Variants in CCNL2 observed in about 807,000 individuals in gnomAD.
CCNL2 encodes the protein cyclin-L2.
CCNL2 carries 28 observed loss-of-function variants against 59.1 expected under a neutral mutation model. The observed-to-expected ratio is 0.47, with a 90% confidence interval of 0.35 to 0.65. The LOEUF (loss-of-function observed/expected upper bound fraction) is 0.65, where lower values mean the gene tolerates loss of function less well. Ranked by LOEUF, CCNL2 falls within the 30% of genes least tolerant of loss-of-function variation. The pLI is 0.00. For missense variants in CCNL2, 714 were observed against 717.4 expected (o/e 1.00, Z 0.05); for synonymous variants, 342 against 288.6 (o/e 1.19, Z -1.88).
chr1:1,397,464 G>A lies in CCNL2; in HGVS notation c.473+769C>T, dbSNP rs111444697. On this transcript the variant is annotated intron_variant, in intron 3 of 10. Coordinates refer to ENST00000400809, the MANE Select transcript of CCNL2 (RefSeq NM_030937.6). Reference sequence around the variant, plus strand: ...GTGAGCTCCCACATCTGGTATGAGAGAATTTCTGGCTGTCACATCTAAGGT... The same window carrying A: ...GTGAGCTCCCACATCTGGTATGAGAAAATTTCTGGCTGTCACATCTAAGGT... 8.6e-3 allele frequency among the ~76,000 whole-genome samples: 1,303 copies of A among 152,242 alleles called. 21 individuals are homozygous for A. The highest frequency in any genetic ancestry group is 0.029 in the African/African-American group (1,198 of 41,522).
At position 1,390,247 on chromosome 1, in the gene CCNL2, G is replaced by A. The variant is rs1644690357; in HGVS notation, c.989C>T (p.Ser330Phe). ...AGACTCACCCAGCTTGGGGGCAGGAGAGAACCCCGAGGTACCATCCAGCAC... is the reference window on the plus strand; with the variant it reads ...AGACTCACCCAGCTTGGGGGCAGGAAAGAACCCCGAGGTACCATCCAGCAC... ...TQVLDGTSGF[S>F]PAPKLVESPK... The change falls in exon 8 of 11, where the codon TCT becomes TTT. Residue 330 changes from serine to phenylalanine, a missense_variant. Coordinates refer to ENST00000400809, the MANE Select transcript of CCNL2 (RefSeq NM_030937.6). 1 of 1,610,194 alleles carries A rather than the reference G, an allele frequency of 6.2e-7. No individual in the cohort carries two copies. The highest frequency in any genetic ancestry group is 1.3e-5 in the African/African-American group (1 of 74,862).
chr1:1,398,582 A>G lies in CCNL2; in HGVS notation c.363+15T>C, dbSNP rs746189549. ...ACATACTTCGCTGGGAATGAAGTGC[A>G]GGAGGAAGCCTTACCTCCATGGAGT... On this transcript the variant is annotated intron_variant, in intron 2 of 10. Coordinates refer to ENST00000400809, the MANE Select transcript of CCNL2 (RefSeq NM_030937.6). 1 of 1,610,664 alleles carries G rather than the reference A, an allele frequency of 6.2e-7. No individual in the cohort carries two copies. The highest frequency in any genetic ancestry group is 1.1e-5 in the South Asian group (1 of 91,028).
rs780670206 is a variant in CCNL2 at position 1,399,297 on chromosome 1, C to T, written c.10G>A (p.Ala4Thr). 7 of 1,452,160 alleles carry T rather than the reference C, an allele frequency of 4.8e-6. No individual in the cohort carries two copies. The South Asian group carries it at 7.2e-5, about 15-fold the overall frequency. The allele number at this position is 1,452,160 out of a possible 1,614,324, so 90.0% of individuals were successfully genotyped here. Residue 4 changes from alanine to threonine, a missense_variant, in exon 1 of 11, where the codon GCG becomes ACG. Ala to Thr is a moderately conservative substitution (Grantham distance 58). Around this residue, in one of 5 missense-constraint regions of CCNL2, gnomAD observed 270 missense variants for 254.9 expected, o/e 1.06. Transcript: ENST00000400809. ...CCTGCAGCACCAGCCGCCGCCGCCG[C>T]CGCCGCCATTTTGTGCCGCCGACTC... The part of the protein sequence containing the change: MAA[A>T]AAAAGAAGSA...
chr1:1,387,617 C>G (rs1644525253), intron 10 of CCNL2, 35 bp from the exon 11 acceptor site: 6 of 1,459,526 alleles, frequency 4.1e-6, no homozygotes, highest in Non-Finnish European at 4.6e-6. Flanking sequence ...CACGTGTGAC[C>G]ATCTGGCCCG....
In CCNL2 at chr1:1,398,215, C is replaced by G. The variant is rs199518657; in HGVS notation, c.473+18G>C. On this transcript the variant is annotated intron_variant, in intron 3 of 10. Coordinates refer to ENST00000400809, the MANE Select transcript of CCNL2 (RefSeq NM_030937.6). ...AAATAGGCATCTATGATAGACTAGA[C>G]AGCTCTGACTGACTCACTTTTTGTC... 1.4e-5 allele frequency: 22 copies of G among 1,612,390 alleles called. No homozygotes were observed. Among genetic ancestry groups the G allele is most frequent in the African/African-American group, 1.1e-4 (8 of 75,022 alleles).
chr1:1,392,613 T>C (rs1644818577), intron 5 of CCNL2: 1 of 1,448,892 alleles, frequency 6.9e-7, no homozygotes, highest in African/African-American at 1.4e-5. Flanking sequence ...CGACAGAGGA[T>C]TAACAAGAAG....
intron 8 of CCNL2, chr1:1,388,876 G>T (rs759305374): frequency 1.3e-5 from 4 of 311,586 alleles, no homozygotes; most frequent in South Asian, 9.9e-5. Context: ...AGGAGTTCAA[G>T]ACCAGTCTGA....
intron 8 of CCNL2, among the ~76,000 whole-genome samples, chr1:1,389,989 G>A (rs985736505): frequency 6.6e-6 from 1 of 151,942 alleles, no homozygotes; most frequent in African/African-American, 2.4e-5. Context: ...ATGGTGGCAT[G>A]TGCCTGTAGT....
rs1265534002 is a variant in CCNL2 at position 1,387,280 on chromosome 1, C to T, written c.1514G>A (p.Gly505Asp). The T allele has an allele frequency of 1.2e-6, 2 of 1,612,452 alleles. No homozygotes were observed. Among genetic ancestry groups the T allele is most frequent in the Non-Finnish European group, 1.7e-6 (2 of 1,180,006 alleles). The change falls in exon 11 of 11, where the codon GGC becomes GAC. Residue 505 changes from glycine (G) to aspartate (D), a missense_variant. Transcript: ENST00000400809. Reference sequence around the variant, plus strand: ...AGGGTGGTCCCGCTCATAGCGACGGCCTGTGCGTTCATACGACCTCGAGCG... The same window carrying T: ...AGGGTGGTCCCGCTCATAGCGACGGTCTGTGCGTTCATACGACCTCGAGCG... ...RERSRSYERT[G>D]RRYERDHPGH...
Position 1,387,361 on chromosome 1 carries a change from T to A in CCNL2, c.1433A>T (p.Asp478Val), listed in dbSNP as rs746311825. The change falls in exon 11 of 11, where the codon GAT (aspartate) becomes GTT (valine). Residue 478 changes from aspartate (D) to valine (V), a missense_variant. Asp to Val is a radical substitution (Grantham distance 152). Coordinates refer to ENST00000400809, the MANE Select transcript of CCNL2 (RefSeq NM_030937.6). Reference sequence around the variant, plus strand: ...TTTCTTCTTGTATTTTCCCGGATTATCCGCCCGCTCCCGTGACCTGCTTCG... The same window carrying A: ...TTTCTTCTTGTATTTTCCCGGATTAACCGCCCGCTCCCGTGACCTGCTTCG... Reference protein sequence around the residue: ...RSRSRSRERADNPGKYKKKSH... With the variant: ...RSRSRSRERAVNPGKYKKKSH... 48 of 1,614,054 alleles carry A rather than the reference T, an allele frequency of 3.0e-5. No homozygotes were observed. The African/African-American group carries it at 6.1e-4, about 21-fold the overall frequency.
At chr1:1,390,713 G>A (rs937950855) in intron 6 of CCNL2, 53 bp downstream of exon 6, 48 of 1,553,296 alleles carry the variant, frequency 3.1e-5, no homozygotes, top group Non-Finnish European at 2.2e-5. Context: ...TTTACTGGAG[G>A]CTGGAGAAAA....
rs546857086 is a variant in CCNL2 at position 1,398,878 on chromosome 1, G to A, written c.288+141C>T. ...CGGGTCAGGGGCATGGGCTGGCTAGGGAATGGCGCCGAGGCTGGGGTCGGG... is the reference window on the plus strand; with the variant it reads ...CGGGTCAGGGGCATGGGCTGGCTAGAGAATGGCGCCGAGGCTGGGGTCGGG... On this transcript the variant is annotated intron_variant, in intron 1 of 10. Coordinates refer to ENST00000400809, the MANE Select transcript of CCNL2 (RefSeq NM_030937.6). 24 of 1,415,630 alleles carry A rather than the reference G, an allele frequency of 1.7e-5. No individual in the cohort carries two copies. The South Asian group carries it at 3.5e-4, about 21-fold the overall frequency. 87.7% of individuals were successfully genotyped at this position (1,415,630 alleles called of 1,614,324 possible). A position where few individuals can be genotyped will look rare whatever the true frequency, so the allele number is the denominator to read the frequency against.
rs1349408618 is a variant in CCNL2, at chr1:1,387,327, G to A, written c.1467C>T (p.Tyr489=). Residue 489 remains tyrosine (Y), a synonymous_variant, in exon 11 of 11, where the codon TAC becomes TAT. Coordinates refer to ENST00000400809, the MANE Select transcript of CCNL2 (RefSeq NM_030937.6). ...NPGKYKKKSH[Y]YRDQRRERSR... is the part of the protein sequence containing the mutation. Reference sequence around the variant, plus strand: ...AGCGCTCTCGTCGCTGATCTCTGTAGTAATGACTTTTCTTCTTGTATTTTC... The same window carrying A: ...AGCGCTCTCGTCGCTGATCTCTGTAATAATGACTTTTCTTCTTGTATTTTC... 1 of 1,614,090 alleles carries A rather than the reference G, an allele frequency of 6.2e-7. No individual in the cohort carries two copies. Among genetic ancestry groups the A allele is most frequent in the South Asian group, 1.1e-5 (1 of 91,088 alleles).
At chr1:1,397,829 C>T (rs1451091451) in intron 3 of CCNL2, among the ~76,000 whole-genome samples, 5 of 152,198 alleles carry the variant, frequency 3.3e-5, no homozygotes, top group African/African-American at 1.2e-4. Context: ...CATACCACCG[C>T]ACTCTGCCCT....
chr1:1,391,198 C>T lies in CCNL2; in HGVS notation c.660-333G>A, dbSNP rs572444337. ...CCTTGGCCTGCTCTCATGCAAAGCA[C>T]GATGCCTCAGAAAGAAAATGTCTAC... On this transcript the variant is annotated intron_variant, in intron 5 of 10. Coordinates refer to ENST00000400809, the MANE Select transcript of CCNL2 (RefSeq NM_030937.6). 4.1e-5 allele frequency: 46 copies of T among 1,124,024 alleles called. No individual in the cohort carries two copies. The East Asian group carries it at 6.7e-4, about 16-fold the overall frequency. The allele number at this position is 1,124,024 out of a possible 1,614,324, so 69.6% of individuals were successfully genotyped here. A position where few individuals can be genotyped will look rare whatever the true frequency, so the allele number is the denominator to read the frequency against.
chr1:1,389,198 T>C (rs1292294528), intron 8 of CCNL2: 1 of 152,014 alleles, frequency 6.6e-6, no homozygotes, highest in Non-Finnish European at 1.5e-5. Context: ...TGAAACACCA[T>C]ATCTACTAAA....
At chr1:1,398,942 G>C (rs573840238) in intron 1 of CCNL2, 77 bp downstream of exon 1, 1 of 1,479,290 alleles carries the variant, frequency 6.8e-7, no homozygotes, top group Non-Finnish European at 8.9e-7. Context: ...GGGCGGTGCG[G>C]GCCCGACTCG....
rs775287278 is a variant in CCNL2, at chr1:1,390,293, G to A, written c.943C>T (p.Leu315=). 6.2e-7 allele frequency: 1 copy of A among 1,613,936 alleles called. No homozygotes were observed. Among genetic ancestry groups the A allele is most frequent in the Non-Finnish European group, 8.5e-7 (1 of 1,179,876 alleles). The change falls in exon 8 of 11, where the codon CTG becomes TTG. Residue 315 remains leucine (L), a synonymous_variant. Coordinates refer to ENST00000400809, the MANE Select transcript of CCNL2 (RefSeq NM_030937.6). ...AGCACCTGTGTGCCCCCAGGCAACAGGCCCCGGGCTTGGGCCTTTGCCTCT... is the reference window on the plus strand; with the variant it reads ...AGCACCTGTGTGCCCCCAGGCAACAAGCCCCGGGCTTGGGCCTTTGCCTCT... ...IEEAKAQARG[L]LPGGTQVLDG... is the part of the protein sequence containing the mutation.
At position 1,387,855 on chromosome 1, in the gene CCNL2, C is replaced by G. The variant is rs746690488; in HGVS notation, c.1133G>C (p.Arg378Pro). The change falls in exon 10 of 11, where the codon CGA becomes CCA. Residue 378 changes from arginine to proline, a missense_variant. Physicochemically the swap from Arg to Pro is moderately radical, Grantham distance 103 (BLOSUM62 -2). Around this residue, in one of 5 missense-constraint regions of CCNL2, gnomAD observed 403 missense variants for 377.7 expected, o/e 1.07. Transcript: ENST00000400809. ...DSPVNGLPKG[R>P]ESRSRSRSRE... ...GCTCCGGCTCCGACTCCGACTCTCT[C>G]GCCCCTTTGGCAAGCTGTGAACAGG... 3 of 1,613,826 alleles carry G rather than the reference C, an allele frequency of 1.9e-6. No individual in the cohort carries two copies. The South Asian group carries it at 3.3e-5, about 18-fold the overall frequency.
Sources: gnomAD v4.1 joint callset for allele counts (sites outside exome capture counted in the v4.1 genomes callset) on GRCh38, gnomAD v4.1.1 for gene constraint, gnomAD v4.1.1 regional missense constraint, MANE v1.5 for transcripts, NCBI Gene and HGNC (gene_info 2026-07-23, HGNC 2026-07-21) for gene names.